Variants in RAB5IF observed in about 807,000 individuals in gnomAD.
RAB5IF encodes the protein RAB5 interacting factor, also known as GEL complex subunit OPTI.
In RAB5IF, 15 loss-of-function variants were observed where a neutral mutation model predicts 20.3. That is an observed-to-expected ratio of 0.74 (90% CI 0.50 to 1.14). RAB5IF has a LOEUF of 1.14. RAB5IF is among the 50% of genes most tolerant of loss of function. The pLI, the probability that RAB5IF is intolerant of heterozygous loss-of-function variation, is 0.00. For missense variants in RAB5IF, 148 were observed against 159.5 expected (o/e 0.93, Z 0.39); for synonymous variants, 67 against 63.7 (o/e 1.05, Z -0.25).
At chr20:36,607,099 C>T (rs1319441618) in intron 1 of RAB5IF, among the ~76,000 whole-genome samples, 2 of 152,162 alleles carry the variant, frequency 1.3e-5, no homozygotes, top group African/African-American at 4.8e-5. Context: ...AATATAGTGG[C>T]ACCTGCCTCC....
At chr20:36,610,279 C>T (rs1294239374) in intron 3 of RAB5IF, among the ~76,000 whole-genome samples, 2 of 151,704 alleles carry the variant, frequency 1.3e-5, no homozygotes, top group Non-Finnish European at 2.9e-5. Context: ...AGGGAAACTC[C>T]ATCTCAAAAA....
rs773688902 is a variant in RAB5IF at position 36,609,619 on chromosome 20, A to G, written c.237A>G (p.Ala79=). The G allele has an allele frequency of 6.2e-7, 1 of 1,606,972 alleles. No individual in the cohort carries two copies. Among genetic ancestry groups the G allele is most frequent in the East Asian group, 2.2e-5 (1 of 44,834 alleles). The change falls in exon 3 of 4, where the codon GCA becomes GCG. Residue 79 remains alanine, a synonymous_variant. Coordinates refer to ENST00000344795, the MANE Select transcript of RAB5IF (RefSeq NM_018840.5). ...LGIAGFCLIN[A]GVLYLYFSNY... The stretch of plus-strand genomic sequence containing the variant: ...GCTCCAGATTCTGCCTGATCAATGC[A>G]GGAGTCCTGTACCTCTACTTCAGCA...
rs1568595294 is a variant in RAB5IF at position 36,609,161 on chromosome 20, A to ACACACACACACACACACC, written c.219-423_219-422insCCACACACACACACACAC. On this transcript the variant is annotated intron_variant, in intron 2 of 3. Coordinates refer to ENST00000344795, the MANE Select transcript of RAB5IF (RefSeq NM_018840.5). ...GGGGCTTTGGAGAACTATATTACAC[A>ACACACACACACACACACC]CACACACACACACACACACACACAC... Among the ~76,000 whole-genome samples, 2 of 8,060 alleles carry ACACACACACACACACACC rather than the reference A, an allele frequency of 2.5e-4. 1 individual carries two copies. The highest frequency in any genetic ancestry group is 7.2e-4 in the African/African-American group (2 of 2,778). The allele number at this position is 8,060 out of a possible 152,430, so 5.3% of individuals were successfully genotyped here. A position where few individuals can be genotyped will look rare whatever the true frequency, so the allele number is the denominator to read the frequency against.
At position 36,612,377 on chromosome 20, in the gene RAB5IF, A is replaced by C; in HGVS notation, c.*326A>C. On this transcript the variant is annotated 3_prime_UTR_variant, in exon 4 of 4. Transcript: ENST00000344795. ...CCTCTGGATTCAGATGAAACATTAAATTGTCTTCCTCGATTCTCCATCGGG... is the reference window on the plus strand; with the variant it reads ...CCTCTGGATTCAGATGAAACATTAACTTGTCTTCCTCGATTCTCCATCGGG... 1.4e-6 allele frequency: 1 copy of C among 711,838 alleles called. No individual in the cohort carries two copies. Among genetic ancestry groups the C allele is most frequent in the East Asian group, 2.6e-5 (1 of 37,984 alleles). The allele number at this position is 711,838 out of a possible 1,614,324, so 44.1% of individuals were successfully genotyped here.
intron 3 of RAB5IF, among the ~76,000 whole-genome samples, chr20:36,610,504 A>G (rs1007016442): frequency 3.3e-5 from 5 of 151,840 alleles, no homozygotes; most frequent in Non-Finnish European, 7.4e-5. Context: ...GATCAAGACC[A>G]TCTTGGCTAA....
Position 36,609,683 on chromosome 20 carries a change from T to C in RAB5IF, c.301T>C (p.Trp101Arg), listed in dbSNP as rs1397793326. Residue 101 changes from tryptophan (W) to arginine (R), a missense_variant, in exon 3 of 4, where the codon TGG becomes CGG. Physicochemically the swap from Trp to Arg is moderately radical, Grantham distance 101. Coordinates refer to ENST00000344795, the MANE Select transcript of RAB5IF (RefSeq NM_018840.5). ...TGATGAGGAAGAATATGGTGGCACG[T>C]GGGAGCTCACGAAGGAAGGGTTTAT... ...QIDEEEYGGT[W>R]ELTKEGFMTS... The C allele has an allele frequency of 6.2e-7, 1 of 1,614,188 alleles. No homozygotes were observed. Among genetic ancestry groups the C allele is most frequent in the South Asian group, 1.1e-5 (1 of 91,080 alleles).
At position 36,612,405 on chromosome 20, in the gene RAB5IF, T is replaced by TAG; in HGVS notation, c.*357_*358dup. Reference sequence around the variant, plus strand: ...GTCTTCCTCGATTCTCCATCGGGTGTAGAGTTTTTAAACTATCAATGGCAT... The same window carrying TAG: ...GTCTTCCTCGATTCTCCATCGGGTGTAGAGAGTTTTTAAACTATCAATGGCAT... On this transcript the variant is annotated 3_prime_UTR_variant, in exon 4 of 4. Coordinates refer to ENST00000344795, the MANE Select transcript of RAB5IF (RefSeq NM_018840.5). 1 of 644,914 alleles carries TAG rather than the reference T, an allele frequency of 1.6e-6. No individual in the cohort carries two copies. Among genetic ancestry groups the TAG allele is most frequent in the Admixed American group, 2.8e-5 (1 of 35,222 alleles). 39.9% of individuals were successfully genotyped at this position (644,914 alleles called of 1,614,324 possible).
chr20:36,608,209 C>T (rs2038980197), intron 2 of RAB5IF: 1 of 300,520 alleles, frequency 3.3e-6, no homozygotes, highest in Non-Finnish European at 6.6e-6. Context: ...TGCTTAATGT[C>T]CTAAACCTTG....
chr20:36,610,905 A>G (rs1314547766), intron 3 of RAB5IF, among the ~76,000 whole-genome samples: 1 of 152,224 alleles, frequency 6.6e-6, no homozygotes, highest in Non-Finnish European at 1.5e-5. Flanking sequence ...AGAGTAGCTG[A>G]TAAAGGAAAC....
At chr20:36,606,213 TGGCGGGCACTG>T (rs2038931010) in intron 1 of RAB5IF, 148 bp downstream of exon 1, 1 of 458,476 alleles carries the variant, frequency 2.2e-6, no homozygotes, top group Admixed American at 4.3e-5. Flanking sequence ...AGAGCAAACT[TGGCGGGCACTG>T]GGCGGACAGC....
At chr20:36,609,025 AAGC>A (rs1289678488) in intron 2 of RAB5IF, among the ~76,000 whole-genome samples, 4 of 151,762 alleles carry the variant, frequency 2.6e-5, no homozygotes, top group Non-Finnish European at 5.9e-5. Flanking sequence ...CTAGGCTACG[AAGC>A]AGCAGCTTCA....
chr20:36,610,708 A>C (rs945921652), intron 3 of RAB5IF, among the ~76,000 whole-genome samples: 1 of 152,210 alleles, frequency 6.6e-6, no homozygotes, highest in Non-Finnish European at 1.5e-5. Flanking sequence ...TCAAAAAAAA[A>C]AAAAAAATGA....
At chr20:36,607,859 T>A in intron 2 of RAB5IF, 41 bp downstream of exon 2, 1 of 1,610,576 alleles carries the variant, frequency 6.2e-7, no homozygotes, top group Non-Finnish European at 8.5e-7. Flanking sequence ...TATCATTTCT[T>A]TTTAAATAGA....
chr20:36,610,619 T>C (rs1054851259), intron 3 of RAB5IF, among the ~76,000 whole-genome samples: 18 of 150,148 alleles, frequency 1.2e-4, no homozygotes, highest in Non-Finnish European at 4.4e-5. Flanking sequence ...GGTGTGAACC[T>C]GGGAGGCAGA....
At position 36,609,195 on chromosome 20, in the gene RAB5IF, G is replaced by GCACA. The variant is rs1179707974; in HGVS notation, c.219-402_219-399dup. On this transcript the variant is annotated intron_variant, in intron 2 of 3. Coordinates refer to ENST00000344795, the MANE Select transcript of RAB5IF (RefSeq NM_018840.5). Reference sequence around the variant, plus strand: ...CACACACACACACACACACACACACGCACACACGCACACACGCACACACGC... The same window carrying GCACA: ...CACACACACACACACACACACACACGCACACACACACGCACACACGCACACACGC... 1.4e-3 allele frequency among the ~76,000 whole-genome samples: 47 copies of GCACA among 34,042 alleles called. 7 individuals are homozygous for GCACA. Among genetic ancestry groups the GCACA allele is most frequent in the Non-Finnish European group, 2.5e-3 (46 of 18,466 alleles). 22.3% of individuals were successfully genotyped at this position (34,042 alleles called of 152,430 possible). A position where few individuals can be genotyped will look rare whatever the true frequency, so the allele number is the denominator to read the frequency against.
intron 2 of RAB5IF, among the ~76,000 whole-genome samples, chr20:36,609,219 G>A (rs1291174): frequency 0.82 from 34,946 of 42,372 alleles, 15,706 homozygotes; most frequent in East Asian, 0.94. Flanking sequence ...ACGCACACAC[G>A]CACACACACA....
chr20:36,611,907 T>C, intron 3 of RAB5IF, 103 bp from the exon 4 acceptor site: 1 of 1,481,330 alleles, frequency 6.8e-7, no homozygotes, highest in Non-Finnish European at 9.4e-7. Context: ...GGATAGCCCC[T>C]GGAGAGTGCC....
intron 2 of RAB5IF, among the ~76,000 whole-genome samples, chr20:36,609,108 T>A (rs2147960322): frequency 6.6e-6 from 1 of 150,416 alleles, no homozygotes; most frequent in South Asian, 2.1e-4. Context: ...CCGCTTGGGA[T>A]GGCTTATCAG....
chr20:36,611,903 C>T (rs2039132629), intron 3 of RAB5IF, 107 bp from the exon 4 acceptor site: 2 of 1,433,860 alleles, frequency 1.4e-6, no homozygotes, highest in African/African-American at 1.4e-5. Context: ...CAACGGATAG[C>T]CCCTGGAGAG....
Sources: allele counts gnomAD v4.1 joint callset (sites outside exome capture counted in the v4.1 genomes callset), GRCh38; gene constraint gnomAD v4.1.1; transcripts MANE v1.5; gene names NCBI Gene and HGNC (gene_info 2026-07-23, HGNC 2026-07-21).